Variants in DPYD observed in about 807,000 individuals in gnomAD.
DPYD encodes dihydropyrimidine dehydrogenase.
Under a neutral mutation model 116.2 loss-of-function variants are expected in DPYD, and 109 were observed. The ratio of observed to expected loss-of-function variants is 0.94; its 90% CI spans 0.80 to 1.10. The LOEUF (loss-of-function observed/expected upper bound fraction) is 1.10, where lower values mean the gene tolerates loss of function less well. Among genes scored for constraint, DPYD ranks in the 50% least tolerant of loss-of-function variants. The probability of loss-of-function intolerance (pLI) is 0.00; values close to 1 mark genes in which losing one functional copy is unlikely to be tolerated. For missense variants in DPYD, 1,302 were observed against 1,254.5 expected (o/e 1.04, Z -0.57); for synonymous variants, 440 against 432.0 (o/e 1.02, Z -0.23).
intron 20 of DPYD, among the ~76,000 whole-genome samples, chr1:97,121,412 T>C (rs1416459448): frequency 2.6e-5 from 4 of 152,300 alleles, no homozygotes; most frequent in East Asian, 1.9e-4. Context: ...ATAATTTACT[T>C]ATTTTATTAT....
chr1:97,435,362 T>A (rs1675412310), intron 14 of DPYD, among the ~76,000 whole-genome samples: 1 of 151,996 alleles, frequency 6.6e-6, no homozygotes, highest in Non-Finnish European at 1.5e-5. Context: ...ATTTTGGTTA[T>A]TAAAATGAAG....
chr1:97,395,414 G>A (rs1298893647), intron 14 of DPYD, among the ~76,000 whole-genome samples: 4 of 151,786 alleles, frequency 2.6e-5, no homozygotes, highest in Non-Finnish European at 5.9e-5. Flanking sequence ...ATCTTATACT[G>A]ATAATAATGA....
rs143848034 is a variant in DPYD, at chr1:97,615,958, C to G, written c.851-20792G>C. 2.8e-3 allele frequency among the ~76,000 whole-genome samples: 424 copies of G among 152,142 alleles called. 2 individuals carry two copies. The highest frequency in any genetic ancestry group is 9.6e-3 in the African/African-American group (400 of 41,516). ...TTCCTTCCCTCCTTTGCCTGGCTTC[C>G]ATTTACCTTGATCCTTATGAAGCAT... On this transcript the variant is annotated intron_variant, in intron 8 of 22. Transcript: ENST00000370192.
intron 20 of DPYD, among the ~76,000 whole-genome samples, chr1:97,130,280 A>T (rs1433124091): frequency 6.6e-6 from 1 of 152,208 alleles, no homozygotes; most frequent in African/African-American, 2.4e-5. Flanking sequence ...ATAAAATGCT[A>T]CATTATGGAA....
intron 2 of DPYD, among the ~76,000 whole-genome samples, chr1:97,863,828 G>C (rs1324636907): frequency 6.6e-6 from 1 of 151,872 alleles, no homozygotes; most frequent in Non-Finnish European, 1.5e-5. Flanking sequence ...TCTGTCCAGA[G>C]GCAACTTATC....
intron 8 of DPYD, among the ~76,000 whole-genome samples, chr1:97,624,782 TAAAA>T (rs775617873): frequency 1.3e-5 from 2 of 152,004 alleles, no homozygotes; most frequent in East Asian, 3.9e-4. Flanking sequence ...TATTCGGACT[TAAAA>T]AAGGGAAATT....
chr1:97,713,484 T>C (rs1205918931), intron 5 of DPYD, among the ~76,000 whole-genome samples: 1 of 152,104 alleles, frequency 6.6e-6, no homozygotes, highest in South Asian at 2.1e-4. Flanking sequence ...TAGCAATTCA[T>C]CTGGCCCCAC....
intron 1 of DPYD, among the ~76,000 whole-genome samples, chr1:97,889,633 A>C (rs908760110): frequency 6.6e-6 from 1 of 152,078 alleles, no homozygotes; most frequent in Non-Finnish European, 1.5e-5. Flanking sequence ...ATTTGAAAGG[A>C]AACAAATCTT....
chr1:97,679,597 T>C (rs959487435), intron 7 of DPYD, among the ~76,000 whole-genome samples: 2 of 152,136 alleles, frequency 1.3e-5, no homozygotes, highest in Admixed American at 1.3e-4. Flanking sequence ...GTATGAGAGT[T>C]CAGAGGCTGG....
chr1:97,882,123 C>T (rs764333486), intron 2 of DPYD, among the ~76,000 whole-genome samples: 3 of 151,796 alleles, frequency 2.0e-5, no homozygotes, highest in Non-Finnish European at 2.9e-5. Context: ...TGGCCTATTC[C>T]TTGAACAATC....
chr1:97,121,453 CT>C lies in DPYD; in HGVS notation c.2623-22822del, dbSNP rs199800598. Among the ~76,000 whole-genome samples, 199 of 152,210 alleles carry C rather than the reference CT, an allele frequency of 1.3e-3. 2 individuals are homozygous for C. In the East Asian group the frequency reaches 0.013, roughly 10 times the overall value. ...CCCATTCCAATGATATGTAAGTATA[CT>C]GCTGTTTACTAAATAATCCTCAGGG... On this transcript the variant is annotated intron_variant, in intron 20 of 22. Transcript: ENST00000370192.
intron 14 of DPYD, among the ~76,000 whole-genome samples, chr1:97,448,738 G>A (rs931736434): frequency 6.6e-6 from 1 of 151,476 alleles, no homozygotes; most frequent in Non-Finnish European, 1.5e-5. Context: ...TGAAAACAGG[G>A]ATAATTTTCA....
intron 16 of DPYD, among the ~76,000 whole-genome samples, chr1:97,368,357 G>C (rs1433696560): frequency 1.3e-5 from 2 of 152,042 alleles, no homozygotes; most frequent in African/African-American, 4.8e-5. Context: ...AATCTTTAAG[G>C]TTCTTCTCAG....
Position 97,178,470 on chromosome 1 carries a change from A to T in DPYD, c.2622+14599T>A, listed in dbSNP as rs1291862908. ...CTTACATGGTGGCAGGCAAGAGATG[A>T]GTGAAGAGGGAAGAGCCCCTTATGA... On this transcript the variant is annotated intron_variant, in intron 20 of 22. Transcript: ENST00000370192. Among the ~76,000 whole-genome samples the T allele has an allele frequency of 2.0e-5, 3 of 152,146 alleles. 1 individual carries two copies. The highest frequency in any genetic ancestry group is 4.4e-5 in the Non-Finnish European group (3 of 68,040).
At chr1:97,517,340 C>A (rs1224379798) in intron 12 of DPYD, among the ~76,000 whole-genome samples, 2 of 152,028 alleles carry the variant, frequency 1.3e-5, no homozygotes, top group East Asian at 3.9e-4. Flanking sequence ...ACAAAAGCTA[C>A]AATGTAAAAT....
intron 20 of DPYD, among the ~76,000 whole-genome samples, chr1:97,128,574 T>C (rs1404141461): frequency 6.6e-6 from 1 of 152,188 alleles, no homozygotes; most frequent in African/African-American, 2.4e-5. Flanking sequence ...ATATGGTGTG[T>C]GTTCTGAAGA....
intron 7 of DPYD, among the ~76,000 whole-genome samples, chr1:97,680,781 G>A (rs1273830924): frequency 6.6e-6 from 1 of 152,048 alleles, no homozygotes; most frequent in Non-Finnish European, 1.5e-5. Flanking sequence ...CACTCCAGTG[G>A]GTGGAAGATG....
At chr1:97,814,602 G>A (rs1571402380) in intron 3 of DPYD, among the ~76,000 whole-genome samples, 1 of 152,096 alleles carries the variant, frequency 6.6e-6, no homozygotes, top group Non-Finnish European at 1.5e-5. Context: ...TTCCAGATTT[G>A]TAGTTCAAAT....
chr1:97,708,340 TG>T (rs1368701648), intron 5 of DPYD, among the ~76,000 whole-genome samples: 1 of 152,104 alleles, frequency 6.6e-6, no homozygotes, highest in Admixed American at 6.6e-5. Flanking sequence ...GTGTAAGGTT[TG>T]TTTCTAGATT....
Sources: gnomAD v4.1 joint callset for allele counts (sites outside exome capture counted in the v4.1 genomes callset) on GRCh38, gnomAD v4.1.1 for gene constraint, MANE v1.5 for transcripts, NCBI Gene and HGNC (gene_info 2026-07-23, HGNC 2026-07-21) for gene names.